ECPAS: variants seen among roughly 807,000 people sequenced by gnomAD.
ECPAS encodes Ecm29 proteasome adaptor and scaffold, also known as proteasome adapter and scaffold protein ECM29.
Under a neutral mutation model 255.1 loss-of-function variants are expected in ECPAS, and 70 were observed. The observed-to-expected ratio is 0.27, with a 90% confidence interval of 0.23 to 0.33. ECPAS has a LOEUF of 0.33. Among genes scored for constraint, ECPAS ranks in the 10% least tolerant of loss-of-function variants. The pLI is 1.00. For synonymous variants in ECPAS, 784 were observed against 775.0 expected (o/e 1.01, Z -0.19); for missense variants, 1,817 against 2,206.4 (o/e 0.82, Z 3.54).
chr9:111,483,477 G>A (rs1421015661), intron 1 of ECPAS: 3 of 976,320 alleles, frequency 3.1e-6, no homozygotes, highest in East Asian at 1.2e-4. Flanking sequence ...TCCGGCTCGC[G>A]GCCGCAGGTT....
At chr9:111,468,828 T>A (rs2098282722) in intron 2 of ECPAS, among the ~76,000 whole-genome samples, 1 of 151,444 alleles carries the variant, frequency 6.6e-6, no homozygotes, top group African/African-American at 2.4e-5. Flanking sequence ...GGGAAGAGAA[T>A]GGACTCTGAC....
At chr9:111,466,614 AAT>A (rs1487015082) in intron 2 of ECPAS, among the ~76,000 whole-genome samples, 4 of 106,448 alleles carry the variant, frequency 3.8e-5, no homozygotes, top group Admixed American at 1.1e-4. Flanking sequence ...TAAATAACTA[AAT>A]ACACACACAC....
chr9:111,449,718 C>CCCCT (rs2098257778), intron 3 of ECPAS, among the ~76,000 whole-genome samples: 1 of 152,192 alleles, frequency 6.6e-6, no homozygotes, highest in Admixed American at 6.5e-5. Context: ...CCACTCTTGG[C>CCCCT]CCCTACTCCA....
chr9:111,436,783 A>T (rs560133124), intron 7 of ECPAS, among the ~76,000 whole-genome samples, 157 bp downstream of exon 7: 2 of 152,316 alleles, frequency 1.3e-5, no homozygotes, highest in African/African-American at 2.4e-5. Context: ...TTAATAAATA[A>T]CTAGCATGAA....
Position 111,414,058 on chromosome 9 carries a change from T to C in ECPAS, c.1988-72A>G, listed in dbSNP as rs1306405803. On this transcript the variant is annotated intron_variant, in intron 19 of 49. Coordinates refer to ENST00000684092, the MANE Select transcript of ECPAS (RefSeq NM_001364929.1). Reference sequence around the variant, plus strand: ...ACATACAGGGATCACTAAATTCCTTTAAAGTATAAGGCCACTGCTTTAGCA... The same window carrying C: ...ACATACAGGGATCACTAAATTCCTTCAAAGTATAAGGCCACTGCTTTAGCA... The C allele has an allele frequency of 8.7e-6, 9 of 1,031,806 alleles. No homozygotes were observed. In the East Asian group the frequency reaches 2.1e-4, roughly 24 times the overall value. 63.9% of individuals were successfully genotyped at this position (1,031,806 alleles called of 1,614,324 possible). A position where few individuals can be genotyped will look rare whatever the true frequency, so the allele number is the denominator to read the frequency against.
intron 5 of ECPAS, among the ~76,000 whole-genome samples, chr9:111,441,076 C>T (rs2098245188): frequency 6.6e-6 from 1 of 151,328 alleles, no homozygotes; most frequent in Non-Finnish European, 1.5e-5. Flanking sequence ...GGAGTGAACC[C>T]GGGAGGCGGA....
At chr9:111,412,232 G>T in intron 20 of ECPAS, 84 bp from the exon 21 acceptor site, 1 of 1,172,140 alleles carries the variant, frequency 8.5e-7, no homozygotes, top group Non-Finnish European at 1.1e-6. Context: ...TTAAAAGAAC[G>T]TTCAATCTGT....
intron 7 of ECPAS, among the ~76,000 whole-genome samples, 153 bp from the exon 8 acceptor site, chr9:111,433,525 T>C (rs979923657): frequency 6.6e-6 from 1 of 152,240 alleles, no homozygotes; most frequent in Non-Finnish European, 1.5e-5. Flanking sequence ...TGCCGGGGAC[T>C]GTACTAAAGC....
In ECPAS at chr9:111,411,011, C is replaced by A; in HGVS notation, c.2346G>T (p.Glu782Asp). ...TTTCTGTAGCACTCTGAATGAGTTCCTCTTGATCAGGGAGGGTGTCAGCAT... is the reference window on the plus strand; with the variant it reads ...TTTCTGTAGCACTCTGAATGAGTTCATCTTGATCAGGGAGGGTGTCAGCAT... ...ERNADTLPDQEELIQSATETI... is the reference protein window; with the variant it reads ...ERNADTLPDQDELIQSATETI... Residue 782 changes from glutamate to aspartate, a missense_variant, in exon 22 of 50, where the codon GAG becomes GAT. Physicochemically the swap from Glu to Asp is conservative, Grantham distance 45 (BLOSUM62 2). Coordinates refer to ENST00000684092, the MANE Select transcript of ECPAS (RefSeq NM_001364929.1). The A allele has an allele frequency of 6.2e-7, 1 of 1,613,766 alleles. No homozygotes were observed. The highest frequency in any genetic ancestry group is 8.5e-7 in the Non-Finnish European group (1 of 1,179,800).
At chr9:111,423,273 A>G in intron 12 of ECPAS, 25 bp from the exon 13 acceptor site, 2 of 1,494,598 alleles carry the variant, frequency 1.3e-6, no homozygotes, top group African/African-American at 2.8e-5. Context: ...AAGAAAAGAA[A>G]GAAAAGAAAG....
At chr9:111,421,850 A>T in intron 15 of ECPAS, 71 bp downstream of exon 15, 1 of 1,539,212 alleles carries the variant, frequency 6.5e-7, no homozygotes, top group Non-Finnish European at 8.8e-7. Context: ...AAAGTTAAGT[A>T]GCAATTCAAA....
At chr9:111,441,429 C>T (rs967208613) in intron 5 of ECPAS, among the ~76,000 whole-genome samples, 7 of 151,784 alleles carry the variant, frequency 4.6e-5, no homozygotes, top group African/African-American at 1.7e-4. Context: ...CACTTCAGCT[C>T]GGGAGGCAGA....
intron 2 of ECPAS, among the ~76,000 whole-genome samples, chr9:111,460,739 T>C (rs919210979): frequency 7.2e-5 from 11 of 152,200 alleles, no homozygotes; most frequent in Middle Eastern, 3.2e-3. Context: ...GGGAAAAATG[T>C]GTAAGACCTC....
chr9:111,377,454 C>T (rs772019441), intron 36 of ECPAS, among the ~76,000 whole-genome samples: 35 of 152,020 alleles, frequency 2.3e-4, no homozygotes, highest in Non-Finnish European at 4.0e-4. Flanking sequence ...ATCACACATA[C>T]GTTATTCAAC....
At chr9:111,480,792 T>C (rs1266440908) in intron 1 of ECPAS, among the ~76,000 whole-genome samples, 1 of 152,198 alleles carries the variant, frequency 6.6e-6, no homozygotes, top group Non-Finnish European at 1.5e-5. Context: ...GGCTGATGAC[T>C]GACAATTTAA....
At chr9:111,431,495 T>C (rs978811345) in intron 8 of ECPAS, among the ~76,000 whole-genome samples, 10 of 151,114 alleles carry the variant, frequency 6.6e-5, no homozygotes, top group South Asian at 2.1e-4. Flanking sequence ...GAGGGGGAGA[T>C]TGCAGTGAGC....
chr9:111,483,383 T>C (rs2098309780), intron 1 of ECPAS: 1 of 302,380 alleles, frequency 3.3e-6, no homozygotes, highest in Non-Finnish European at 4.8e-6. Context: ...CAGCTCCCCG[T>C]ACGCCGCGGC....
intron 26 of ECPAS, 116 bp from the exon 27 acceptor site, chr9:111,393,850 G>A (rs2131621994): frequency 3.8e-6 from 3 of 785,144 alleles, no homozygotes; most frequent in Non-Finnish European, 6.2e-6. Flanking sequence ...AGTTACAATC[G>A]CTGTTTTGCT....
intron 13 of ECPAS, 67 bp downstream of exon 13, chr9:111,423,132 T>C (rs984440749): frequency 9.4e-5 from 101 of 1,070,084 alleles, no homozygotes; most frequent in Non-Finnish European, 1.4e-4. Context: ...TCCGCCATTA[T>C]TAAATGCCAC....
Sources: gnomAD v4.1 joint callset for allele counts (sites outside exome capture counted in the v4.1 genomes callset) on GRCh38, gnomAD v4.1.1 for gene constraint, MANE v1.5 for transcripts, NCBI Gene and HGNC (gene_info 2026-07-23, HGNC 2026-07-21) for gene names.